The following LRCH1 variants were observed in gnomAD, a reference collection of about 807,000 sequenced individuals.
LRCH1 encodes the protein leucine-rich repeat and calponin homology domain-containing protein 1.
Under a neutral mutation model 94.9 loss-of-function variants are expected in LRCH1, and 23 were observed. That is an observed-to-expected ratio of 0.24 (90% CI 0.17 to 0.34). The LOEUF is 0.34. LRCH1 is among the 10% of genes least tolerant of loss of function. The pLI is 1.00. For missense variants in LRCH1, 790 were observed against 945.9 expected (o/e 0.84, Z 2.16); for synonymous variants, 364 against 354.9 (o/e 1.03, Z -0.29).
At chr13:46,625,379 G>T (rs529077671) in intron 1 of LRCH1, among the ~76,000 whole-genome samples, 11 of 152,342 alleles carry the variant, frequency 7.2e-5, no homozygotes, top group African/African-American at 2.6e-4. Flanking sequence ...CCCCCAGGGC[G>T]ATGGTATTAG....
At position 46,743,764 on chromosome 13, in the gene LRCH1, C is replaced by T. The variant is rs2138255267; in HGVS notation, c.*1916C>T. 1.0e-6 allele frequency: 1 copy of T among 984,178 alleles called. No homozygotes were observed. The highest frequency in any genetic ancestry group is 1.7e-5 in the African/African-American group (1 of 57,194). The allele number at this position is 984,178 out of a possible 1,614,324, so 61.0% of individuals were successfully genotyped here. On this transcript the variant is annotated 3_prime_UTR_variant, in exon 20 of 20. Coordinates refer to ENST00000389797, the MANE Select transcript of LRCH1 (RefSeq NM_001164211.2). Reference sequence around the variant, plus strand: ...AAAAAAAGAAAACTTACTGGGTTGCCACCTTAAAATAATATCAATAAAAAC... The same window carrying T: ...AAAAAAAGAAAACTTACTGGGTTGCTACCTTAAAATAATATCAATAAAAAC...
intron 1 of LRCH1, among the ~76,000 whole-genome samples, chr13:46,589,487 C>T (rs774197390): frequency 1.3e-5 from 2 of 151,198 alleles, no homozygotes; most frequent in Non-Finnish European, 2.9e-5. Context: ...TCTTTTATGG[C>T]GATTTTTTCT....
intron 2 of LRCH1, among the ~76,000 whole-genome samples, chr13:46,666,929 G>A (rs980230209): frequency 3.9e-5 from 6 of 152,114 alleles, no homozygotes; most frequent in Non-Finnish European, 8.8e-5. Context: ...GCTGGCCCTA[G>A]CTCCTCCCTT....
At chr13:46,718,639 T>G (rs1872444256) in intron 16 of LRCH1, among the ~76,000 whole-genome samples, 1 of 152,226 alleles carries the variant, frequency 6.6e-6, no homozygotes, top group Admixed American at 6.5e-5. Context: ...GGACACCGAA[T>G]GTGTCCAGTT....
Position 46,741,932 on chromosome 13 carries a change from A to T in LRCH1, c.*84A>T. On this transcript the variant is annotated 3_prime_UTR_variant, in exon 20 of 20. Coordinates refer to ENST00000389797, the MANE Select transcript of LRCH1 (RefSeq NM_001164211.2). ...CCTACCTTTGAGCCTTTGCCTTGCA[A>T]ACTTCCATCCCTGTCATGTCTTCAG... is the stretch of plus-strand genomic sequence containing the variant. 1 of 1,591,904 alleles carries T rather than the reference A, an allele frequency of 6.3e-7. No homozygotes were observed. The highest frequency in any genetic ancestry group is 8.6e-7 in the Non-Finnish European group (1 of 1,167,940).
chr13:46,597,649 G>A (rs1240449029), intron 1 of LRCH1, among the ~76,000 whole-genome samples: 5 of 152,054 alleles, frequency 3.3e-5, no homozygotes, highest in Admixed American at 2.6e-4. Context: ...GAACCACCGC[G>A]CCTGGCCCTG....
intron 18 of LRCH1, among the ~76,000 whole-genome samples, chr13:46,732,396 G>A (rs1873154139): frequency 6.6e-6 from 1 of 152,236 alleles, no homozygotes; most frequent in Admixed American, 6.5e-5. Flanking sequence ...TGGTGAGGTT[G>A]AAGCTTTAAC....
At chr13:46,603,180 A>G (rs2050650262) in intron 1 of LRCH1, among the ~76,000 whole-genome samples, 1 of 151,710 alleles carries the variant, frequency 6.6e-6, no homozygotes, top group African/African-American at 2.4e-5. Flanking sequence ...AGACACGGAG[A>G]GCCTCTAATT....
chr13:46,706,253 C>T (rs1403091874), intron 13 of LRCH1, among the ~76,000 whole-genome samples: 2 of 152,232 alleles, frequency 1.3e-5, no homozygotes, highest in Non-Finnish European at 2.9e-5. Context: ...CCTCTCTAAA[C>T]ATTCATTACT....
chr13:46,640,498 T>A (rs1365965893), intron 1 of LRCH1, among the ~76,000 whole-genome samples: 1 of 152,196 alleles, frequency 6.6e-6, no homozygotes, highest in East Asian at 1.9e-4. Flanking sequence ...TCCAGCAAGA[T>A]AGGACAGTGC....
chr13:46,582,099 G>C (rs921468906), intron 1 of LRCH1, among the ~76,000 whole-genome samples: 1 of 129,502 alleles, frequency 7.7e-6, no homozygotes, highest in Non-Finnish European at 1.5e-5. Context: ...GCAGTGAGCC[G>C]AAATCATGCC....
chr13:46,572,802 A>C (rs1429312960), intron 1 of LRCH1, among the ~76,000 whole-genome samples: 2 of 152,092 alleles, frequency 1.3e-5, no homozygotes, highest in Non-Finnish European at 2.9e-5. Context: ...TCCATCCAGC[A>C]AATATTTATT....
chr13:46,686,404 C>A (rs539387267), intron 5 of LRCH1, among the ~76,000 whole-genome samples: 15 of 152,236 alleles, frequency 9.9e-5, no homozygotes, highest in Admixed American at 9.8e-4. Flanking sequence ...TCCTTCTGGG[C>A]GTGGGGCAGG....
chr13:46,731,272 C>T (rs1367024473), intron 18 of LRCH1, among the ~76,000 whole-genome samples: 1 of 152,084 alleles, frequency 6.6e-6, no homozygotes, highest in Non-Finnish European at 1.5e-5. Context: ...GGAGTCTCCT[C>T]TGTCGCCCAG....
At chr13:46,722,108 A>G (rs1216173901) in intron 16 of LRCH1, among the ~76,000 whole-genome samples, 1 of 152,252 alleles carries the variant, frequency 6.6e-6, no homozygotes, top group Non-Finnish European at 1.5e-5. Context: ...TAGGAAATGT[A>G]TGTCAGGGTA....
chr13:46,554,345 G>A (rs1408474759), intron 1 of LRCH1, among the ~76,000 whole-genome samples: 1 of 152,224 alleles, frequency 6.6e-6, no homozygotes, highest in Non-Finnish European at 1.5e-5. Flanking sequence ...GAGCCGCCGG[G>A]CTTGTAGTGA....
chr13:46,698,686 C>G (rs1042411018), intron 9 of LRCH1, among the ~76,000 whole-genome samples: 1 of 152,144 alleles, frequency 6.6e-6, no homozygotes, highest in East Asian at 1.9e-4. Flanking sequence ...TCTCTCAATA[C>G]AAGAAGGTGC....
At chr13:46,567,221 CTG>C (rs1238695507) in intron 1 of LRCH1, among the ~76,000 whole-genome samples, 2 of 152,218 alleles carry the variant, frequency 1.3e-5, no homozygotes, top group African/African-American at 4.8e-5. Flanking sequence ...ATTCCAAAGA[CTG>C]TTTTATTATG....
chr13:46,587,035 G>A (rs540417967), intron 1 of LRCH1, among the ~76,000 whole-genome samples: 1 of 152,330 alleles, frequency 6.6e-6, no homozygotes, highest in Non-Finnish European at 1.5e-5. Context: ...GAGATGCCGT[G>A]TGGTTTGCTA....
Sources: allele counts gnomAD v4.1 joint callset (sites outside exome capture counted in the v4.1 genomes callset), GRCh38; gene constraint gnomAD v4.1.1; transcripts MANE v1.5; gene names NCBI Gene and HGNC (gene_info 2026-07-23, HGNC 2026-07-21).